DPYSL3: variants seen among roughly 807,000 people sequenced by gnomAD.
DPYSL3 encodes dihydropyrimidinase like 3.
In DPYSL3, 16 loss-of-function variants were observed where a neutral mutation model predicts 66.1. The ratio of observed to expected loss-of-function variants is 0.24; its 90% CI spans 0.16 to 0.37. The LOEUF (loss-of-function observed/expected upper bound fraction) is 0.37, where lower values mean the gene tolerates loss of function less well. Ranked by LOEUF, DPYSL3 falls within the 10% of genes least tolerant of loss-of-function variation. The pLI, the probability that DPYSL3 is intolerant of heterozygous loss-of-function variation, is 1.00. For synonymous variants in DPYSL3, 338 were observed against 345.1 expected (o/e 0.98, Z 0.23); for missense variants, 738 against 916.2 (o/e 0.81, Z 2.51).
At chr5:147,421,809 G>A (rs943903999) in intron 2 of DPYSL3, among the ~76,000 whole-genome samples, 1 of 152,180 alleles carries the variant, frequency 6.6e-6, no homozygotes, top group Admixed American at 6.5e-5. Flanking sequence ...CTAGCCATAT[G>A]CAGAAAACAG....
intron 1 of DPYSL3, among the ~76,000 whole-genome samples, chr5:147,434,466 C>T (rs904782241): frequency 2.6e-5 from 4 of 152,136 alleles, no homozygotes; most frequent in Non-Finnish European, 5.9e-5. Context: ...AGCCCCTGGG[C>T]CTGTGCAAAA....
intron 1 of DPYSL3, among the ~76,000 whole-genome samples, chr5:147,499,840 T>C (rs1235880170): frequency 6.6e-6 from 1 of 152,118 alleles, no homozygotes; most frequent in African/African-American, 2.4e-5. Flanking sequence ...ACAATCTTGG[T>C]AAAAGAACAG....
intron 8 of DPYSL3, among the ~76,000 whole-genome samples, chr5:147,403,959 A>G (rs1023945661): frequency 6.6e-6 from 1 of 152,088 alleles, no homozygotes; most frequent in Non-Finnish European, 1.5e-5. Context: ...ATATAACTAA[A>G]ACACCCTGTC....
chr5:147,397,880 G>A, intron 11 of DPYSL3, 35 bp from the exon 12 acceptor site: 1 of 1,249,570 alleles, frequency 8.0e-7, no homozygotes, highest in South Asian at 1.6e-5. Context: ...GCCACAGTAA[G>A]GGTAGAGAAA....
chr5:147,421,134 A>G (rs751702826), intron 2 of DPYSL3, among the ~76,000 whole-genome samples: 1 of 152,234 alleles, frequency 6.6e-6, no homozygotes, highest in Non-Finnish European at 1.5e-5. Context: ...TCAGCCCAAA[A>G]ACTCCTTAAG....
At chr5:147,456,076 C>T (rs992052911) in intron 1 of DPYSL3, among the ~76,000 whole-genome samples, 1 of 152,306 alleles carries the variant, frequency 6.6e-6, no homozygotes, top group South Asian at 2.1e-4. Context: ...CAAATTGATT[C>T]AAGCTGTTGC....
intron 1 of DPYSL3, among the ~76,000 whole-genome samples, chr5:147,464,553 C>T (rs187307630): frequency 3.9e-5 from 6 of 152,154 alleles, no homozygotes; most frequent in East Asian, 1.9e-4. Context: ...TGCTGTTACA[C>T]GATAAAAGAA....
Position 147,423,787 on chromosome 5 carries a change from C to A in DPYSL3, c.470+1088G>T, listed in dbSNP as rs11948890. Among the ~76,000 whole-genome samples, 837 of 152,254 alleles carry A rather than the reference C, an allele frequency of 5.5e-3. 11 individuals are homozygous for A. Among genetic ancestry groups the A allele is most frequent in the African/African-American group, 0.019 (798 of 41,538 alleles). The stretch of plus-strand genomic sequence containing the variant: ...GAGTGCTGGAGTGCAGTGGCGCCAT[C>A]TTGGCTCACTGCAACCTCTACCTCC... On this transcript the variant is annotated intron_variant, in intron 2 of 13. Coordinates refer to ENST00000343218, the MANE Select transcript of DPYSL3 (RefSeq NM_001197294.2).
At chr5:147,457,417 A>T (rs978995287) in intron 1 of DPYSL3, among the ~76,000 whole-genome samples, 1 of 152,212 alleles carries the variant, frequency 6.6e-6, no homozygotes, top group Non-Finnish European at 1.5e-5. Context: ...TGAATGTAAG[A>T]ATTTTTTAAA....
intron 13 of DPYSL3, among the ~76,000 whole-genome samples, chr5:147,395,193 C>G (rs1757931041): frequency 6.6e-6 from 1 of 152,192 alleles, no homozygotes; most frequent in South Asian, 2.1e-4. Flanking sequence ...ATCTTTTAAT[C>G]TGGACAAATA....
chr5:147,421,689 C>T lies in DPYSL3; in HGVS notation c.471-3058G>A, dbSNP rs148913373. On this transcript the variant is annotated intron_variant, in intron 2 of 13. Transcript: ENST00000343218. Reference sequence around the variant, plus strand: ...ATAGACCAATGGAACAGAGCAGAGGCCACAGAAATAACACCACACATCTAC... The same window carrying T: ...ATAGACCAATGGAACAGAGCAGAGGTCACAGAAATAACACCACACATCTAC... Among the ~76,000 whole-genome samples the T allele has an allele frequency of 4.3e-3, 661 of 152,194 alleles. 11 individuals carry two copies. The highest frequency in any genetic ancestry group is 0.015 in the African/African-American group (625 of 41,518).
intron 1 of DPYSL3, among the ~76,000 whole-genome samples, chr5:147,480,703 A>ATATAT (rs1554116786): frequency 7.0e-5 from 10 of 142,464 alleles, no homozygotes; most frequent in South Asian, 2.3e-4. Flanking sequence ...GAATATATAT[A>ATATAT]TATTATTATT....
intron 5 of DPYSL3, 21 bp downstream of exon 5, chr5:147,413,575 A>G (rs368579170): frequency 1.2e-6 from 2 of 1,602,042 alleles, no homozygotes; most frequent in South Asian, 2.2e-5. Context: ...ACCCCAAACC[A>G]CATAGCAAAT....
chr5:147,404,157 C>A lies in DPYSL3; in HGVS notation c.1153+1453G>T, dbSNP rs377742004. Among the ~76,000 whole-genome samples the A allele has an allele frequency of 1.6e-4, 25 of 152,310 alleles. No individual in the cohort carries two copies. The South Asian group carries it at 5.2e-3, about 32-fold the overall frequency. On this transcript the variant is annotated intron_variant, in intron 8 of 13. Coordinates refer to ENST00000343218, the MANE Select transcript of DPYSL3 (RefSeq NM_001197294.2). ...CTTTTCTCCAAGAATGAGTGAGGAG[C>A]ACTGGGCTGCTTTCCTGGTTCTCGC...
At chr5:147,437,255 A>T (rs1016399769) in intron 1 of DPYSL3, among the ~76,000 whole-genome samples, 1 of 152,016 alleles carries the variant, frequency 6.6e-6, no homozygotes, top group African/African-American at 2.4e-5. Flanking sequence ...GTGAATTCCC[A>T]CCCTATTGCT....
At chr5:147,458,584 A>G (rs1183758040) in intron 1 of DPYSL3, among the ~76,000 whole-genome samples, 1 of 152,186 alleles carries the variant, frequency 6.6e-6, no homozygotes, top group Non-Finnish European at 1.5e-5. Flanking sequence ...CACAAGATCC[A>G]AGAACCCTCT....
At chr5:147,443,381 C>G (rs1171800155) in intron 1 of DPYSL3, among the ~76,000 whole-genome samples, 2 of 152,092 alleles carry the variant, frequency 1.3e-5, no homozygotes, top group Admixed American at 1.3e-4. Context: ...AACACAGGAA[C>G]AGAAAACCAG....
intron 1 of DPYSL3, among the ~76,000 whole-genome samples, chr5:147,460,570 T>TA (rs1048003773): frequency 1.3e-5 from 2 of 152,104 alleles, no homozygotes; most frequent in Admixed American, 1.3e-4. Flanking sequence ...AGGGTCCTGA[T>TA]AAAGGGAGGA....
Position 147,412,651 on chromosome 5 carries a change from G to A in DPYSL3, c.920C>T (p.Ala307Val), listed in dbSNP as rs768682357. The A allele has an allele frequency of 1.2e-6, 2 of 1,612,962 alleles. No individual in the cohort carries two copies. Among genetic ancestry groups the A allele is most frequent in the East Asian group, 2.2e-5 (1 of 44,848 alleles). ...ATTCTCAGCATGAACTTGAGCAATG[G>A]CCCCCAGCTCTCCCAGGCAGGTGAA... ...EIFTCLGELG[A>V]IAQVHAENGD... The change falls in exon 6 of 14, where the codon GCC (alanine) becomes GTC (valine). Residue 307 changes from alanine (A) to valine (V), a missense_variant. By Grantham distance (64) the Ala-to-Val change is moderately conservative. Coordinates refer to ENST00000343218, the MANE Select transcript of DPYSL3 (RefSeq NM_001197294.2).
Sources: gnomAD v4.1 joint callset for allele counts (sites outside exome capture counted in the v4.1 genomes callset) on GRCh38, gnomAD v4.1.1 for gene constraint, MANE v1.5 for transcripts, NCBI Gene and HGNC (gene_info 2026-07-23, HGNC 2026-07-21) for gene names.